The following ZNF804B variants were observed in gnomAD, a reference collection of about 807,000 sequenced individuals.
The protein encoded by ZNF804B is zinc finger protein 804B, also known as zinc finger 804B.
Under a neutral mutation model 101.4 loss-of-function variants are expected in ZNF804B, and 80 were observed. The ratio of observed to expected loss-of-function variants is 0.79; its 90% CI spans 0.66 to 0.95. The LOEUF is 0.95. Among genes scored for constraint, ZNF804B ranks in the 40% least tolerant of loss-of-function variants. The pLI, the probability that ZNF804B is intolerant of heterozygous loss-of-function variation, is 0.00. For missense variants in ZNF804B, 1,673 were observed against 1,561.9 expected (o/e 1.07, Z -1.20); for synonymous variants, 622 against 558.8 (o/e 1.11, Z -1.59).
intron 2 of ZNF804B, among the ~76,000 whole-genome samples, chr7:89,314,448 ACT>A (rs1278029528): frequency 6.6e-6 from 1 of 152,080 alleles, no homozygotes; most frequent in East Asian, 1.9e-4. Context: ...TGAATTAAAT[ACT>A]CTCAATGGAA....
intron 2 of ZNF804B, among the ~76,000 whole-genome samples, chr7:89,254,649 TTA>T (rs57996087): frequency 0.084 from 11,491 of 136,292 alleles, 511 homozygotes; most frequent in Middle Eastern, 0.21. Context: ...TTTATTTTTA[TTA>T]TTTTTTTTTT....
At chr7:88,920,243 A>G (rs1792700827) in intron 1 of ZNF804B, among the ~76,000 whole-genome samples, 1 of 152,090 alleles carries the variant, frequency 6.6e-6, no homozygotes, top group Admixed American at 6.6e-5. Flanking sequence ...TTGTTATTCA[A>G]AGTAAATTAA....
intron 1 of ZNF804B, among the ~76,000 whole-genome samples, chr7:89,138,602 A>C (rs1015723174): frequency 6.6e-6 from 1 of 152,020 alleles, no homozygotes; most frequent in Non-Finnish European, 1.5e-5. Flanking sequence ...ATGTGAGGAC[A>C]TGAGATTTGG....
chr7:88,767,403 T>C (rs1790001168), intron 1 of ZNF804B, among the ~76,000 whole-genome samples: 1 of 152,338 alleles, frequency 6.6e-6, no homozygotes, highest in Non-Finnish European at 1.5e-5. Flanking sequence ...GCTTCCCCTC[T>C]TTCCACTCAC....
chr7:89,006,327 C>T (rs1788368495), intron 1 of ZNF804B, among the ~76,000 whole-genome samples: 1 of 152,000 alleles, frequency 6.6e-6, no homozygotes, highest in Non-Finnish European at 1.5e-5. Flanking sequence ...ATAACAATAT[C>T]GTGCCTCTTA....
chr7:89,309,454 T>C (rs1790616233), intron 2 of ZNF804B, among the ~76,000 whole-genome samples: 1 of 151,976 alleles, frequency 6.6e-6, no homozygotes, highest in Non-Finnish European at 1.5e-5. Flanking sequence ...AGAGGAGTTT[T>C]AGATTTTAAA....
At chr7:89,303,031 TG>T (rs1287741417) in intron 2 of ZNF804B, among the ~76,000 whole-genome samples, 8 of 151,960 alleles carry the variant, frequency 5.3e-5, no homozygotes, top group African/African-American at 1.9e-4. Context: ...GATCCTGGGC[TG>T]GGAATTACTA....
Position 89,335,461 on chromosome 7 carries a change from T to C in ZNF804B, c.2479T>C (p.Tyr827His), listed in dbSNP as rs1292298473. Residue 827 changes from tyrosine to histidine, a missense_variant, in exon 4 of 4, where the codon TAT becomes CAT. Transcript: ENST00000333190. Reference protein sequence around the residue: ...FSGLKSTRIIYCDSNSQISCT... With the variant: ...FSGLKSTRIIHCDSNSQISCT... Reference sequence around the variant, plus strand: ...AGGGCTAAAATCTACGAGAATCATCTATTGTGATTCTAACTCACAGATTTC... The same window carrying C: ...AGGGCTAAAATCTACGAGAATCATCCATTGTGATTCTAACTCACAGATTTC... 1.2e-6 allele frequency: 2 copies of C among 1,613,866 alleles called. No individual in the cohort carries two copies. Among genetic ancestry groups the C allele is most frequent in the Non-Finnish European group, 1.7e-6 (2 of 1,179,980 alleles).
chr7:89,336,067 G>T lies in ZNF804B; in HGVS notation c.3085G>T (p.Gly1029Cys), dbSNP rs752608360. The T allele has an allele frequency of 1.9e-6, 3 of 1,613,854 alleles. No homozygotes were observed. The highest frequency in any genetic ancestry group is 2.5e-6 in the Non-Finnish European group (3 of 1,179,964). Residue 1029 changes from glycine (G) to cysteine (C), a missense_variant, in exon 4 of 4, where the codon GGT becomes TGT. Physicochemically the swap from Gly to Cys is radical, Grantham distance 159. Transcript: ENST00000333190. ...DTDCDNHLSK[G>C]IIHLVTESQS... ...TGATTGTGATAACCATCTTTCTAAA[G>T]GTATAATTCACCTAGTAACAGAGTC...
chr7:88,790,902 G>C (rs908227925), intron 1 of ZNF804B, among the ~76,000 whole-genome samples: 1 of 152,024 alleles, frequency 6.6e-6, no homozygotes, highest in South Asian at 2.1e-4. Context: ...TTTATCAAAT[G>C]TACCCAAACA....
At chr7:88,968,294 A>G (rs1277337982) in intron 1 of ZNF804B, among the ~76,000 whole-genome samples, 4 of 151,636 alleles carry the variant, frequency 2.6e-5, no homozygotes, top group African/African-American at 9.6e-5. Context: ...GAGGTTTCGG[A>G]TGGGCAGAAA....
chr7:89,102,940 T>C (rs1583987488), intron 1 of ZNF804B, among the ~76,000 whole-genome samples: 1 of 151,654 alleles, frequency 6.6e-6, no homozygotes, highest in East Asian at 1.9e-4. Context: ...TTGAATAGGA[T>C]GTCCTTTCCC....
chr7:89,175,733 T>C lies in ZNF804B; in HGVS notation c.109-42422T>C, dbSNP rs890825010. Among the ~76,000 whole-genome samples the C allele has an allele frequency of 6.6e-5, 10 of 152,210 alleles. No homozygotes were observed. The South Asian group carries it at 2.1e-3, about 32-fold the overall frequency. On this transcript the variant is annotated intron_variant, in intron 1 of 3. Transcript: ENST00000333190. ...ATATCTTTTCACTTTCTGTGTCCTT[T>C]TCAATATTTTTCATCAATATTTTAT...
chr7:88,772,415 C>G (rs905328517), intron 1 of ZNF804B, among the ~76,000 whole-genome samples: 3 of 152,170 alleles, frequency 2.0e-5, no homozygotes, highest in Non-Finnish European at 4.4e-5. Flanking sequence ...CCTGAAGTGA[C>G]AGGGCAAACC....
At chr7:88,785,415 T>C (rs1481414907) in intron 1 of ZNF804B, among the ~76,000 whole-genome samples, 1 of 152,144 alleles carries the variant, frequency 6.6e-6, no homozygotes, top group Non-Finnish European at 1.5e-5. Flanking sequence ...CTTTCCTAGA[T>C]TGTTGTAATA....
chr7:88,934,050 G>A (rs1459468922), intron 1 of ZNF804B, among the ~76,000 whole-genome samples: 1 of 151,760 alleles, frequency 6.6e-6, no homozygotes, highest in East Asian at 1.9e-4. Context: ...AAAACGACAT[G>A]GTACTGGTAT....
chr7:88,776,555 G>GTTTTTTT lies in ZNF804B; in HGVS notation c.108+16475_108+16476insTTTTTTT, dbSNP rs10630362. ...TAGTGGCTTTTCTATTTCTCGTGGT[G>GTTTTTTT]TTTTGTTTTTTTTTTTTTTTTTTTT... On this transcript the variant is annotated intron_variant, in intron 1 of 3. Coordinates refer to ENST00000333190, the MANE Select transcript of ZNF804B (RefSeq NM_181646.5). 3.6e-4 allele frequency among the ~76,000 whole-genome samples: 38 copies of GTTTTTTT among 106,462 alleles called. 2 individuals are homozygous for GTTTTTTT. Among genetic ancestry groups the GTTTTTTT allele is most frequent in the African/African-American group, 7.9e-4 (24 of 30,498 alleles). The allele number at this position is 106,462 out of a possible 152,430, so 69.8% of individuals were successfully genotyped here. A position where few individuals can be genotyped will look rare whatever the true frequency, so the allele number is the denominator to read the frequency against.
At chr7:88,794,931 C>T (rs371003087) in intron 1 of ZNF804B, 32 of 1,586,746 alleles carry the variant, frequency 2.0e-5, no homozygotes, top group East Asian at 2.2e-5. Flanking sequence ...GGTTATGGAC[C>T]GAAAAGGACA....
intron 2 of ZNF804B, among the ~76,000 whole-genome samples, chr7:89,303,656 G>C (rs952774488): frequency 6.6e-6 from 1 of 151,864 alleles, no homozygotes; most frequent in African/African-American, 2.4e-5. Context: ...TTAAGCAAAA[G>C]TTTTGGCATT....
Sources: gnomAD v4.1 joint callset for allele counts (sites outside exome capture counted in the v4.1 genomes callset) on GRCh38, gnomAD v4.1.1 for gene constraint, MANE v1.5 for transcripts, NCBI Gene and HGNC (gene_info 2026-07-23, HGNC 2026-07-21) for gene names.